The following GPD2 variants were observed in gnomAD, a reference collection of about 807,000 sequenced individuals.
GPD2 encodes glycerol-3-phosphate dehydrogenase, mitochondrial.
In GPD2, 54 loss-of-function variants were observed where a neutral mutation model predicts 82.4. The observed-to-expected ratio is 0.66, with a 90% CI of 0.53 to 0.82. GPD2 has a LOEUF of 0.82. Among genes scored for constraint, GPD2 ranks in the 40% least tolerant of loss-of-function variants. GPD2 has a pLI of 0.00. For missense variants in GPD2, 748 were observed against 896.2 expected (o/e 0.83, Z 2.11); for synonymous variants, 288 against 306.1 (o/e 0.94, Z 0.62).
intron 1 of GPD2, among the ~76,000 whole-genome samples, chr2:156,465,607 G>C (rs1026012235): frequency 2.6e-5 from 4 of 152,044 alleles, no homozygotes; most frequent in Admixed American, 2.0e-4. Context: ...GGGTCCTCCT[G>C]CCTGGGTTTC....
intron 2 of GPD2, among the ~76,000 whole-genome samples, chr2:156,479,104 T>G (rs298226): frequency 0.92 from 139,578 of 152,126 alleles, 65,214 homozygotes; most frequent in East Asian, 1. Context: ...GTTAAAACAT[T>G]TTTGGTGATG....
chr2:156,401,244 T>C, the GPD2 span, among the ~76,000 whole-genome samples: 1 of 152,182 alleles, frequency 6.6e-6, no homozygotes, highest in African/African-American at 2.4e-5. Context: ...TTTCTATTGC[T>C]TACTAGAAGA....
intron 8 of GPD2, among the ~76,000 whole-genome samples, chr2:156,555,323 AT>A (rs1158727398): frequency 6.6e-6 from 1 of 152,158 alleles, no homozygotes; most frequent in Non-Finnish European, 1.5e-5. Flanking sequence ...AAACTACTTT[AT>A]TGCATTGCAA....
intron 1 of GPD2, among the ~76,000 whole-genome samples, chr2:156,443,900 C>G (rs560342288): frequency 7.9e-5 from 12 of 152,318 alleles, no homozygotes; most frequent in African/African-American, 2.9e-4. Flanking sequence ...CCTTGTCCCC[C>G]TTATCAAAGG....
the GPD2 span, among the ~76,000 whole-genome samples, chr2:156,426,138 T>A: frequency 1.3e-5 from 2 of 152,120 alleles, no homozygotes; most frequent in Middle Eastern, 3.4e-3. Flanking sequence ...TTAGCCGGGA[T>A]AGTCTCGATC....
At chr2:156,524,503 C>A (rs1022216714) in intron 6 of GPD2, among the ~76,000 whole-genome samples, 3 of 152,158 alleles carry the variant, frequency 2.0e-5, no homozygotes, top group Admixed American at 2.0e-4. Context: ...ACAACTTGGT[C>A]TGGCACCTCT....
Position 156,584,857 on chromosome 2 carries a change from GCTCT to G in GPD2, c.*1948_*1951del, listed in dbSNP as rs1010664968. On this transcript the variant is annotated 3_prime_UTR_variant, in exon 17 of 17. Coordinates refer to ENST00000438166, the MANE Select transcript of GPD2 (RefSeq NM_000408.5). ...GATATACACAATATGGTACATTTGT[GCTCT>G]CTCTCTCTGTTTTTCTCTCTTTCTC... is the stretch of plus-strand genomic sequence containing the variant. 4 of 151,818 alleles carry G rather than the reference GCTCT, an allele frequency of 2.6e-5. No individual in the cohort carries two copies. Among genetic ancestry groups the G allele is most frequent in the African/African-American group, 4.9e-5 (2 of 41,208 alleles). The allele number at this position is 151,818 out of a possible 1,614,324, so 9.4% of individuals were successfully genotyped here. A position where few individuals can be genotyped will look rare whatever the true frequency, so the allele number is the denominator to read the frequency against.
At chr2:156,555,766 T>A (rs1686939160) in intron 8 of GPD2, among the ~76,000 whole-genome samples, 1 of 152,222 alleles carries the variant, frequency 6.6e-6, no homozygotes, top group African/African-American at 2.4e-5. Context: ...TTCAATACAT[T>A]AGAGTAAAAG....
intron 6 of GPD2, among the ~76,000 whole-genome samples, chr2:156,525,339 A>C (rs557800807): frequency 6.6e-6 from 1 of 152,296 alleles, no homozygotes; most frequent in South Asian, 2.1e-4. Context: ...GCTGTTTGCT[A>C]TGACAAGATA....
At chr2:156,416,605 C>A in the GPD2 span, among the ~76,000 whole-genome samples, 1 of 150,870 alleles carries the variant, frequency 6.6e-6, no homozygotes. Context: ...TCAAGCAATG[C>A]TCCCACCTTG....
At chr2:156,465,365 T>TTTC (rs1558911926) in intron 1 of GPD2, among the ~76,000 whole-genome samples, 4 of 20,174 alleles carry the variant, frequency 2.0e-4, no homozygotes, top group African/African-American at 3.5e-4. Context: ...TTCTTTCTTT[T>TTTC]TTTTTTTTTT....
At chr2:156,465,007 C>T (rs578142502) in intron 1 of GPD2, among the ~76,000 whole-genome samples, 155 of 152,138 alleles carry the variant, frequency 1.0e-3, no homozygotes, top group African/African-American at 3.6e-3. Flanking sequence ...CCCATCACAA[C>T]GCCTGGCTAA....
chr2:156,455,463 C>T (rs1183344566), intron 1 of GPD2, among the ~76,000 whole-genome samples: 1 of 152,170 alleles, frequency 6.6e-6, no homozygotes. Context: ...TCCTTTGACT[C>T]GTATATAAGA....
intron 6 of GPD2, among the ~76,000 whole-genome samples, chr2:156,547,084 C>T (rs58258454): frequency 0.22 from 32,889 of 152,112 alleles, 4,275 homozygotes; most frequent in Middle Eastern, 0.32. Context: ...GTAAGTTTCA[C>T]GAAGGTAGAG....
intron 8 of GPD2, among the ~76,000 whole-genome samples, chr2:156,553,669 C>T (rs969898643): frequency 1.6e-4 from 25 of 152,098 alleles, no homozygotes; most frequent in African/African-American, 5.8e-4. Flanking sequence ...TCCTTAAAAT[C>T]ATGTTTTTAC....
chr2:156,491,583 G>GT lies in GPD2; in HGVS notation c.103-4452dup, dbSNP rs1231034551. On this transcript the variant is annotated intron_variant, in intron 2 of 16. Coordinates refer to ENST00000438166, the MANE Select transcript of GPD2 (RefSeq NM_000408.5). Reference sequence around the variant, plus strand: ...CATTCACCAGGTAAAGGATGTTTTAGTTTTTTTTTCCAGTTGAGGACGATT... The same window carrying GT: ...CATTCACCAGGTAAAGGATGTTTTAGTTTTTTTTTTCCAGTTGAGGACGATT... Among the ~76,000 whole-genome samples the GT allele has an allele frequency of 9.9e-5, 15 of 151,544 alleles. No homozygotes were observed. The South Asian group carries it at 1.0e-3, about 11-fold the overall frequency.
At chr2:156,420,449 G>T in the GPD2 span, among the ~76,000 whole-genome samples, 1 of 152,068 alleles carries the variant, frequency 6.6e-6, no homozygotes, top group Admixed American at 6.6e-5. Context: ...GGGATTACAG[G>T]CATAAGTCAC....
At chr2:156,582,178 T>C (rs2105383364) in intron 16 of GPD2, among the ~76,000 whole-genome samples, 1 of 152,218 alleles carries the variant, frequency 6.6e-6, no homozygotes, top group Admixed American at 6.6e-5. Flanking sequence ...CTTTGCCCGC[T>C]GCCTGCATGT....
At position 156,583,316 on chromosome 2, in the gene GPD2, A is replaced by T. The variant is rs1005663028; in HGVS notation, c.*398A>T. 2.4e-5 allele frequency: 6 copies of T among 245,728 alleles called. No individual in the cohort carries two copies. The highest frequency in any genetic ancestry group is 1.1e-4 in the African/African-American group (5 of 44,206). The allele number at this position is 245,728 out of a possible 1,614,324, so 15.2% of individuals were successfully genotyped here. A position where few individuals can be genotyped will look rare whatever the true frequency, so the allele number is the denominator to read the frequency against. ...GACATGCATACAGATAGCATGTGTTATTAAAAAGAGTTGCCTATTGAAATG... is the reference window on the plus strand; with the variant it reads ...GACATGCATACAGATAGCATGTGTTTTTAAAAAGAGTTGCCTATTGAAATG... On this transcript the variant is annotated 3_prime_UTR_variant, in exon 17 of 17. Coordinates refer to ENST00000438166, the MANE Select transcript of GPD2 (RefSeq NM_000408.5).
Sources: gnomAD v4.1 joint callset for allele counts (sites outside exome capture counted in the v4.1 genomes callset) on GRCh38, gnomAD v4.1.1 for gene constraint, MANE v1.5 for transcripts, NCBI Gene and HGNC (gene_info 2026-07-23, HGNC 2026-07-21) for gene names.